ABCC9: variants seen among roughly 807,000 people sequenced by gnomAD.
The protein encoded by ABCC9 is ATP binding cassette subfamily C member 9, also known as ATP-binding cassette sub-family C member 9.
In ABCC9, 95 loss-of-function variants were observed where a neutral mutation model predicts 188.3. That is an observed-to-expected ratio of 0.50 (90% CI 0.43 to 0.60). The LOEUF is 0.60. Among genes scored for constraint, ABCC9 ranks in the 20% least tolerant of loss-of-function variants. The probability of loss-of-function intolerance (pLI) is 0.00; values close to 1 mark genes in which losing one functional copy is unlikely to be tolerated. For missense variants in ABCC9, 1,102 were observed against 1,876.3 expected (o/e 0.59, Z 7.62); for synonymous variants, 659 against 652.7 (o/e 1.01, Z -0.15).
intron 39 of ABCC9, among the ~76,000 whole-genome samples, chr12:21,802,905 G>A (rs74069166): frequency 6.6e-6 from 1 of 152,084 alleles, no homozygotes; most frequent in African/African-American, 2.4e-5. Context: ...AGTTATAGTT[G>A]TGACTCATGA....
chr12:21,827,389 A>C, intron 31 of ABCC9: 1 of 853,750 alleles, frequency 1.2e-6, no homozygotes, highest in African/African-American at 1.8e-5. Flanking sequence ...TAAAAGACAT[A>C]CTTGATCTTC....
intron 17 of ABCC9, among the ~76,000 whole-genome samples, chr12:21,873,584 A>C (rs185350902): frequency 6.6e-6 from 1 of 152,304 alleles, no homozygotes; most frequent in Non-Finnish European, 1.5e-5. Flanking sequence ...TTCATATGGA[A>C]AGAGTAGACC....
intron 16 of ABCC9, among the ~76,000 whole-genome samples, chr12:21,879,946 TA>T (rs1946540736): frequency 6.6e-6 from 1 of 151,662 alleles, no homozygotes; most frequent in Non-Finnish European, 1.5e-5. Context: ...TGAACACACA[TA>T]AATCTGAGAA....
chr12:21,879,948 A>T (rs757109679), intron 16 of ABCC9, among the ~76,000 whole-genome samples: 9 of 151,774 alleles, frequency 5.9e-5, no homozygotes, highest in Non-Finnish European at 7.4e-5. Context: ...AACACACATA[A>T]ATCTGAGAAA....
intron 36 of ABCC9, 69 bp from the exon 37 acceptor site, chr12:21,810,024 T>C (rs1942121542): frequency 1.0e-6 from 1 of 967,468 alleles, no homozygotes; most frequent in Non-Finnish European, 1.6e-6. Flanking sequence ...ATTTGCTTAT[T>C]GCTTTTCTTT....
At chr12:21,843,187 T>C (rs531558282) in intron 28 of ABCC9, among the ~76,000 whole-genome samples, 4 of 152,316 alleles carry the variant, frequency 2.6e-5, no homozygotes, top group South Asian at 4.1e-4. Context: ...TACATTACTT[T>C]ATAGCTTTAT....
At position 21,908,152 on chromosome 12, in the gene ABCC9, T is replaced by G; in HGVS notation, c.1380A>C (p.Ala460=). The change falls in exon 11 of 40, where the codon GCA becomes GCC. Residue 460 remains alanine (A), a synonymous_variant. Transcript: ENST00000261200. The part of the protein sequence containing the change: ...NLLGSSALVG[A]AVIVLLAPIQ... ...TTGGCGCAAGGAGCACAATGACAGC[T>G]GCACCGACCAATGCACTTGATCCAA... 6.2e-7 allele frequency: 1 copy of G among 1,612,744 alleles called. No homozygotes were observed. Among genetic ancestry groups the G allele is most frequent in the East Asian group, 2.2e-5 (1 of 44,826 alleles).
chr12:21,871,079 T>G (rs1946048239), intron 18 of ABCC9, among the ~76,000 whole-genome samples: 1 of 152,204 alleles, frequency 6.6e-6, no homozygotes, highest in Non-Finnish European at 1.5e-5. Context: ...ACTGTCATTC[T>G]TTCTCTCTGT....
chr12:21,933,437 T>A (rs543043652), intron 4 of ABCC9, among the ~76,000 whole-genome samples: 1 of 152,076 alleles, frequency 6.6e-6, no homozygotes, highest in African/African-American at 2.4e-5. Flanking sequence ...GTGGTTTGCA[T>A]CAATTTATGG....
At chr12:21,915,177 A>T (rs1159682672) in intron 7 of ABCC9, among the ~76,000 whole-genome samples, 1 of 150,764 alleles carries the variant, frequency 6.6e-6, no homozygotes, top group South Asian at 2.1e-4. Context: ...CTGGGATTAT[A>T]GGCATGAGCC....
intron 31 of ABCC9, among the ~76,000 whole-genome samples, chr12:21,819,688 CT>C (rs149090694): frequency 1.2e-4 from 18 of 151,564 alleles, no homozygotes; most frequent in African/African-American, 2.7e-4. Context: ...ACCAGAATGT[CT>C]TTTTTTTTCC....
At chr12:21,875,759 T>A (rs775672724) in intron 16 of ABCC9, 33 bp from the exon 17 acceptor site, 1 of 1,494,264 alleles carries the variant, frequency 6.7e-7, no homozygotes, top group African/African-American at 1.4e-5. Flanking sequence ...TTAAATTATA[T>A]GTGTGGTATC....
At chr12:21,801,315 A>G (rs1178685490) in intron 39 of ABCC9, 134 bp from the exon 40 acceptor site, 46 of 1,118,968 alleles carry the variant, frequency 4.1e-5, no homozygotes, top group Non-Finnish European at 6.0e-5. Flanking sequence ...GGGATCACAG[A>G]CACCTCCCCT....
chr12:21,932,167 T>A (rs1949314295), intron 4 of ABCC9, among the ~76,000 whole-genome samples: 1 of 152,142 alleles, frequency 6.6e-6, no homozygotes, highest in South Asian at 2.1e-4. Context: ...TGAGTTTATT[T>A]TGTTACTATA....
At chr12:21,821,687 C>T (rs922227318) in intron 31 of ABCC9, among the ~76,000 whole-genome samples, 2 of 152,000 alleles carry the variant, frequency 1.3e-5, no homozygotes, top group African/African-American at 4.8e-5. Context: ...ATATTGGGCT[C>T]CTGAATTCAC....
chr12:21,818,017 A>T lies in ABCC9; in HGVS notation c.3771+133T>A, dbSNP rs879521569. 1.1e-4 allele frequency: 31 copies of T among 288,412 alleles called. No homozygotes were observed. In the East Asian group the frequency reaches 2.5e-3, roughly 24 times the overall value. The allele number at this position is 288,412 out of a possible 1,614,324, so 17.9% of individuals were successfully genotyped here. On this transcript the variant is annotated intron_variant, in intron 32 of 39. Coordinates refer to ENST00000261200, the MANE Select transcript of ABCC9 (RefSeq NM_020297.4). ...CTCTAAGTTCCCTCCCCTCACCCCC[A>T]CCCCCCAATAGGCCCTGGTATGTGT...
chr12:21,930,313 ATGTAT>A (rs1199048822), intron 4 of ABCC9, among the ~76,000 whole-genome samples: 1 of 152,154 alleles, frequency 6.6e-6, no homozygotes, highest in Non-Finnish European at 1.5e-5. Context: ...TTCTTCTGAT[ATGTAT>A]TGTAAAGTTA....
At chr12:21,867,758 T>C (rs1038855538) in intron 18 of ABCC9, among the ~76,000 whole-genome samples, 3 of 145,650 alleles carry the variant, frequency 2.1e-5, no homozygotes, top group South Asian at 2.1e-4. Flanking sequence ...TGTTGGGAGA[T>C]AGAATGTCAG....
intron 15 of ABCC9, 145 bp downstream of exon 15, chr12:21,887,681 G>A: frequency 3.0e-6 from 2 of 674,124 alleles, no homozygotes; most frequent in South Asian, 3.3e-5. Context: ...GACTTGTGAG[G>A]TTGTAGAGAA....
Sources: gnomAD v4.1 joint callset for allele counts (sites outside exome capture counted in the v4.1 genomes callset) on GRCh38, gnomAD v4.1.1 for gene constraint, MANE v1.5 for transcripts, NCBI Gene and HGNC (gene_info 2026-07-23, HGNC 2026-07-21) for gene names.